SCP2: variants seen among roughly 807,000 people sequenced by gnomAD.
The protein encoded by SCP2 is SCP-2/3-oxoacyl-CoA thiolase.
SCP2 carries 48 observed loss-of-function variants against 71.4 expected under a neutral mutation model. The ratio of observed to expected loss-of-function variants is 0.67; its 90% CI spans 0.53 to 0.86. The LOEUF (loss-of-function observed/expected upper bound fraction) is 0.86, where lower values mean the gene tolerates loss of function less well. Among genes scored for constraint, SCP2 ranks in the 40% least tolerant of loss-of-function variants. SCP2 has a pLI of 0.00. For synonymous variants in SCP2, 220 were observed against 218.1 expected (o/e 1.01, Z -0.08); for missense variants, 560 against 655.6 (o/e 0.85, Z 1.59).
intron 11 of SCP2, among the ~76,000 whole-genome samples, chr1:52,999,336 A>G (rs1369177072): frequency 6.6e-6 from 1 of 152,244 alleles, no homozygotes; most frequent in African/African-American, 2.4e-5. Flanking sequence ...ACAAACTGCA[A>G]TAGAATTCTA....
chr1:53,028,177 G>C, intron 13 of SCP2, 106 bp downstream of exon 13: 1 of 688,900 alleles, frequency 1.5e-6, no homozygotes. Flanking sequence ...TTTATATCAT[G>C]TTGTCAAGTA....
rs201228269 is a variant in SCP2, at chr1:52,984,390, G to GT, written c.974-3631dup. Among the ~76,000 whole-genome samples, 628 of 151,864 alleles carry GT rather than the reference G, an allele frequency of 4.1e-3. 4 individuals carry two copies. Among genetic ancestry groups the GT allele is most frequent in the African/African-American group, 0.014 (600 of 41,418 alleles). ...ATTTACTTTTCAGAGTCCTCAGGCA[G>GT]TTTTTTTTATTTTTATTTTTATATC... On this transcript the variant is annotated intron_variant, in intron 10 of 15. Transcript: ENST00000371514.
chr1:52,980,273 C>CAAAAA (rs761151424), intron 9 of SCP2, 123 bp from the exon 10 acceptor site: 1 of 951,034 alleles, frequency 1.1e-6, no homozygotes, highest in Non-Finnish European at 1.6e-6. Flanking sequence ...TGCACCTGGG[C>CAAAAA]AAAAATTTAA....
At chr1:53,004,158 T>A (rs1660483877) in intron 11 of SCP2, among the ~76,000 whole-genome samples, 1 of 152,020 alleles carries the variant, frequency 6.6e-6, no homozygotes, top group Admixed American at 6.6e-5. Flanking sequence ...ACATCCCAGG[T>A]GGGGTGGAGC....
At chr1:52,952,819 G>GTATA (rs141282598) in intron 4 of SCP2, among the ~76,000 whole-genome samples, 11 of 151,420 alleles carry the variant, frequency 7.3e-5, no homozygotes, top group African/African-American at 2.7e-4. Context: ...TAAACATTGT[G>GTATA]TATATATATA....
At chr1:52,956,281 C>G (rs945559286) in intron 5 of SCP2, among the ~76,000 whole-genome samples, 1 of 152,028 alleles carries the variant, frequency 6.6e-6, no homozygotes, top group African/African-American at 2.4e-5. Context: ...CCAGCCTGGG[C>G]GACAGAGTGA....
intron 15 of SCP2, chr1:53,049,771 G>A (rs1251927956): frequency 6.6e-6 from 1 of 152,136 alleles, no homozygotes; most frequent in Non-Finnish European, 1.5e-5. Flanking sequence ...AAAGGAATTA[G>A]TCACCCTTAC....
chr1:52,940,249 C>CA (rs1557544878), intron 1 of SCP2: 1 of 152,332 alleles, frequency 6.6e-6, no homozygotes, highest in African/African-American at 2.4e-5. Context: ...ACAAAAAATA[C>CA]AAAAATTAAC....
chr1:52,979,706 A>G (rs1185130188), intron 9 of SCP2, among the ~76,000 whole-genome samples: 2 of 152,198 alleles, frequency 1.3e-5, no homozygotes, highest in African/African-American at 4.8e-5. Context: ...TATACATTGT[A>G]GTTTGACAGA....
At chr1:52,934,110 T>C (rs1160907336) in intron 1 of SCP2, among the ~76,000 whole-genome samples, 1 of 152,238 alleles carries the variant, frequency 6.6e-6, no homozygotes, top group Non-Finnish European at 1.5e-5. Context: ...GAAACACATT[T>C]TACTTGAGAG....
chr1:52,970,788 C>T (rs945927933), intron 6 of SCP2, among the ~76,000 whole-genome samples: 8 of 151,696 alleles, frequency 5.3e-5, no homozygotes, highest in African/African-American at 1.5e-4. Flanking sequence ...GAAACGTGAG[C>T]AGTTGTTGGC....
chr1:52,961,395 G>T, intron 5 of SCP2, 108 bp from the exon 6 acceptor site: 1 of 1,123,486 alleles, frequency 8.9e-7, no homozygotes, highest in East Asian at 2.4e-5. Context: ...GACAATTTCT[G>T]GTGTACTATG....
intron 10 of SCP2, among the ~76,000 whole-genome samples, chr1:52,987,405 T>G (rs7528251): frequency 0.31 from 47,106 of 152,082 alleles, 12,029 homozygotes; most frequent in African/African-American, 0.7. Context: ...TACTTTATCG[T>G]AAATAGATGT....
intron 11 of SCP2, 130 bp downstream of exon 11, chr1:52,988,266 G>T (rs900243846): frequency 5.3e-5 from 35 of 656,170 alleles, no homozygotes; most frequent in Non-Finnish European, 9.2e-5. Flanking sequence ...TGATTGTTTA[G>T]CTTCAATATT....
intron 14 of SCP2, among the ~76,000 whole-genome samples, chr1:53,042,442 G>A (rs1349628642): frequency 6.6e-6 from 1 of 151,816 alleles, no homozygotes; most frequent in East Asian, 1.9e-4. Context: ...GAATGATTTT[G>A]GAAAAGCTGT....
At chr1:52,946,270 C>T (rs1654785461) in intron 2 of SCP2, among the ~76,000 whole-genome samples, 1 of 151,814 alleles carries the variant, frequency 6.6e-6, no homozygotes, top group Admixed American at 6.6e-5. Context: ...GCTCTGTTGC[C>T]CAGGCTAGAG....
chr1:52,980,624 A>G, intron 10 of SCP2, 81 bp downstream of exon 10: 1 of 1,348,654 alleles, frequency 7.4e-7, no homozygotes, highest in East Asian at 2.3e-5. Context: ...AAAAGAATTC[A>G]CTATTCACTT....
intron 10 of SCP2, among the ~76,000 whole-genome samples, chr1:52,986,202 T>G (rs1201314898): frequency 7.9e-5 from 12 of 152,358 alleles, no homozygotes. Context: ...CTGAATATTT[T>G]TAGTTGATGA....
chr1:52,992,518 A>G (rs1659590239), intron 11 of SCP2, among the ~76,000 whole-genome samples: 1 of 152,222 alleles, frequency 6.6e-6, no homozygotes, highest in South Asian at 2.1e-4. Flanking sequence ...TTAAAAAACC[A>G]AGTACACTCA....
Sources: allele counts gnomAD v4.1 joint callset (sites outside exome capture counted in the v4.1 genomes callset), GRCh38; gene constraint gnomAD v4.1.1; transcripts MANE v1.5; gene names NCBI Gene and HGNC (gene_info 2026-07-23, HGNC 2026-07-21).